Variants in TEX11 observed in about 807,000 individuals in gnomAD.
TEX11 encodes the protein testis-expressed protein 11.
A neutral mutation model predicts 84.4 loss-of-function variants in TEX11; 7 were observed. The ratio of observed to expected loss-of-function variants is 0.08; its 90% confidence interval spans 0.05 to 0.16. The LOEUF (loss-of-function observed/expected upper bound fraction) is 0.16, where lower values mean the gene tolerates loss of function less well. Ranked by LOEUF, TEX11 falls within the 10% of genes least tolerant of loss-of-function variation. TEX11 has a pLI of 1.00. For synonymous variants in TEX11, 264 were observed against 222.8 expected, an observed-to-expected ratio of 1.18 and a Z score of -1.64; for missense variants, 551 against 660.5, an observed-to-expected ratio of 0.83 and a Z score of 1.82.
At chrX:70,566,833 A>G (rs1204281501) in intron 25 of TEX11, among the ~76,000 whole-genome samples, 3 of 111,717 alleles carry the variant, frequency 2.7e-5, no homozygotes, top group Non-Finnish European at 3.8e-5. Context: ...TTTTTGCATC[A>G]ATGTTCTTCA....
intron 13 of TEX11, among the ~76,000 whole-genome samples, chrX:70,712,703 G>A (rs1251582705): frequency 9.0e-6 from 1 of 110,539 alleles, no homozygotes; most frequent in African/African-American, 3.3e-5. Context: ...GAGATGATGG[G>A]GTTTTCTAGA....
At chrX:70,686,103 G>A (rs180683619) in intron 13 of TEX11, among the ~76,000 whole-genome samples, 50 of 111,633 alleles carry the variant, frequency 4.5e-4, no homozygotes, top group African/African-American at 1.6e-3. Context: ...TTCAGCTTTT[G>A]TTCAACCATT....
At chrX:70,822,341 T>A (rs926315375) in intron 8 of TEX11, among the ~76,000 whole-genome samples, 4 of 111,129 alleles carry the variant, frequency 3.6e-5, no homozygotes, top group Non-Finnish European at 7.5e-5. Flanking sequence ...TTTTGAGATA[T>A]CTGCACTCAC....
intron 9 of TEX11, among the ~76,000 whole-genome samples, chrX:70,749,838 G>C (rs2090799995): frequency 9.1e-6 from 1 of 109,803 alleles, no homozygotes; most frequent in Non-Finnish European, 1.9e-5. Flanking sequence ...ATTTTATCGA[G>C]GATTTTTGCA....
intron 2 of TEX11, among the ~76,000 whole-genome samples, chrX:70,881,326 C>CAAAAA (rs773436735): frequency 1.6e-5 from 1 of 61,949 alleles, no homozygotes; most frequent in Non-Finnish European, 3.2e-5. Flanking sequence ...GACTGTGTCT[C>CAAAAA]AAAAAAAAAA....
chrX:70,775,039 T>C (rs1203976206), intron 9 of TEX11, among the ~76,000 whole-genome samples: 1 of 111,301 alleles, frequency 9.0e-6, no homozygotes, highest in Non-Finnish European at 1.9e-5. Context: ...AATCCAGAAA[T>C]AACTCCACAT....
intron 12 of TEX11, among the ~76,000 whole-genome samples, chrX:70,723,507 GA>G (rs1317182362): frequency 7.2e-5 from 8 of 111,529 alleles, no homozygotes; most frequent in Non-Finnish European, 1.1e-4. Context: ...TAAACTAAGA[GA>G]AAAAATACTG....
At chrX:70,739,480 C>T (rs947320879) in intron 11 of TEX11, among the ~76,000 whole-genome samples, 6 of 104,189 alleles carry the variant, frequency 5.8e-5, no homozygotes, top group Non-Finnish European at 9.8e-5. Context: ...GGTGCGATCT[C>T]GGCTCACTGC....
intron 13 of TEX11, among the ~76,000 whole-genome samples, chrX:70,720,383 G>C (rs1332466104): frequency 3.6e-5 from 4 of 110,717 alleles, no homozygotes; most frequent in Admixed American, 9.7e-5. Flanking sequence ...GTGGGAGAAG[G>C]GGGTAGGGAT....
At chrX:70,729,720 G>T (rs1603239365) in intron 11 of TEX11, among the ~76,000 whole-genome samples, 1 of 111,933 alleles carries the variant, frequency 8.9e-6, no homozygotes, top group East Asian at 2.8e-4. Context: ...ATGGAACCAA[G>T]TTGCAAAACA....
intron 25 of TEX11, among the ~76,000 whole-genome samples, chrX:70,569,350 A>T (rs1448096335): frequency 9.0e-6 from 1 of 111,371 alleles, no homozygotes; most frequent in Non-Finnish European, 1.9e-5. Context: ...CTTTGGTTTG[A>T]ATTTCCTCCT....
intron 12 of TEX11, among the ~76,000 whole-genome samples, chrX:70,723,797 A>G (rs2090579110): frequency 9.3e-6 from 1 of 107,318 alleles, no homozygotes; most frequent in Admixed American, 1.0e-4. Flanking sequence ...ACTACAAAAA[A>G]TATCAGTGCA....
At chrX:70,750,736 A>G (rs2090810460) in intron 9 of TEX11, among the ~76,000 whole-genome samples, 1 of 98,430 alleles carries the variant, frequency 1.0e-5, no homozygotes, top group Non-Finnish European at 2.0e-5. Flanking sequence ...TCACATGGAC[A>G]CAGGAAGGGG....
Position 70,746,374 on chromosome X carries a change from A to C in TEX11, c.693-2155T>G, listed in dbSNP as rs59778298. The stretch of plus-strand genomic sequence containing the variant: ...CTCTTAGGGTAAGGATTCTACCCCA[A>C]ATGTGACAGGTCAAGAATACTGAGA... On this transcript the variant is annotated intron_variant, in intron 9 of 29. Transcript: ENST00000374333. Among the ~76,000 whole-genome samples the C allele has an allele frequency of 5.9e-3, 656 of 111,434 alleles. 39 individuals carry two copies. In the East Asian group the frequency reaches 0.15, roughly 25 times the overall value.
chrX:70,761,579 G>T (rs188711719), intron 9 of TEX11, among the ~76,000 whole-genome samples: 65 of 111,736 alleles, frequency 5.8e-4, no homozygotes, highest in Non-Finnish European at 9.0e-4. Context: ...ATGGACACAG[G>T]GTGGGGAACA....
downstream of TEX11, among the ~76,000 whole-genome samples, chrX:70,526,634 T>C (rs2147921096): frequency 9.0e-6 from 1 of 111,226 alleles, no homozygotes; most frequent in South Asian, 3.9e-4. Flanking sequence ...TTTCTATGTG[T>C]GCACGTATAC....
intron 25 of TEX11, among the ~76,000 whole-genome samples, chrX:70,573,062 A>G (rs1041536725): frequency 4.5e-5 from 5 of 111,873 alleles, no homozygotes; most frequent in African/African-American, 1.6e-4. Context: ...GCAAACCATA[A>G]TAAGATATAT....
chrX:70,749,991 C>T (rs1385056576), intron 9 of TEX11, among the ~76,000 whole-genome samples: 1 of 110,618 alleles, frequency 9.0e-6, no homozygotes, highest in Non-Finnish European at 1.9e-5. Context: ...AGGCAACCTA[C>T]AAAATGGGAG....
intron 8 of TEX11, among the ~76,000 whole-genome samples, chrX:70,821,735 C>T (rs1248833411): frequency 8.9e-6 from 1 of 112,177 alleles, no homozygotes; most frequent in East Asian, 2.8e-4. Context: ...CATCACCTCA[C>T]ACCTGTTTGT....
Sources: gnomAD v4.1 joint callset for allele counts (sites outside exome capture counted in the v4.1 genomes callset) on GRCh38, gnomAD v4.1.1 for gene constraint, MANE v1.5 for transcripts, NCBI Gene and HGNC (gene_info 2026-07-23, HGNC 2026-07-21) for gene names.